Variants in SLC35F4 observed in about 807,000 individuals in gnomAD.
SLC35F4 encodes the protein solute carrier family 35 member F4.
A neutral mutation model predicts 44.2 loss-of-function variants in SLC35F4; 24 were observed. That is an observed-to-expected ratio of 0.54 (90% CI 0.39 to 0.76). The LOEUF (loss-of-function observed/expected upper bound fraction) is 0.76. Among genes scored for constraint, SLC35F4 ranks in the 30% least tolerant of loss-of-function variants. The pLI is 0.00. For synonymous variants in SLC35F4, 238 were observed against 223.6 expected (o/e 1.06, Z -0.57); for missense variants, 562 against 586.1 (o/e 0.96, Z 0.42).
At chr14:57,820,131 T>C (rs1334014246) in intron 1 of SLC35F4, among the ~76,000 whole-genome samples, 1 of 152,196 alleles carries the variant, frequency 6.6e-6, no homozygotes, top group Non-Finnish European at 1.5e-5. Context: ...TTTTAGGTAT[T>C]AAAATCCTAC....
chr14:57,787,680 G>A (rs2077802203), intron 1 of SLC35F4, among the ~76,000 whole-genome samples: 1 of 152,134 alleles, frequency 6.6e-6, no homozygotes, highest in Non-Finnish European at 1.5e-5. Flanking sequence ...ATGAAGGAAA[G>A]ATAGTCTTTT....
chr14:57,909,868 T>C (rs1889183655), intron 1 of SLC35F4, among the ~76,000 whole-genome samples: 1 of 152,138 alleles, frequency 6.6e-6, no homozygotes, highest in Admixed American at 6.5e-5. Context: ...ATGGTAAGAG[T>C]ATTTTTAATT....
chr14:57,782,632 C>T (rs2077651160), intron 1 of SLC35F4, among the ~76,000 whole-genome samples: 1 of 152,154 alleles, frequency 6.6e-6, no homozygotes, highest in South Asian at 2.1e-4. Flanking sequence ...ATTTTGTAGC[C>T]ACCTCTGGCT....
chr14:57,960,353 C>T (rs939000072), intron 1 of SLC35F4, among the ~76,000 whole-genome samples: 2 of 152,236 alleles, frequency 1.3e-5, no homozygotes, highest in African/African-American at 4.8e-5. Flanking sequence ...CTGGCCATCA[C>T]ATCCATCGGG....
chr14:57,822,817 C>T (rs537518409), intron 1 of SLC35F4, among the ~76,000 whole-genome samples: 86 of 152,266 alleles, frequency 5.6e-4, no homozygotes, highest in African/African-American at 2.0e-3. Context: ...CTCCACCACT[C>T]TTGTGGCTTT....
intron 1 of SLC35F4, among the ~76,000 whole-genome samples, chr14:57,964,795 G>A (rs1890404083): frequency 6.6e-6 from 1 of 151,828 alleles, no homozygotes; most frequent in Non-Finnish European, 1.5e-5. Context: ...TTGGTGAGAG[G>A]GGGCAGAGGG....
chr14:57,931,490 A>G (rs1358821614), intron 1 of SLC35F4, among the ~76,000 whole-genome samples: 1 of 152,236 alleles, frequency 6.6e-6, no homozygotes, highest in Non-Finnish European at 1.5e-5. Flanking sequence ...GATGTGATGG[A>G]CACCTGGCTT....
chr14:57,893,990 T>C (rs754667572), intron 1 of SLC35F4, among the ~76,000 whole-genome samples: 1 of 152,132 alleles, frequency 6.6e-6, no homozygotes, highest in Non-Finnish European at 1.5e-5. Flanking sequence ...CTACATCTTA[T>C]ACCTACAACC....
At chr14:57,940,050 T>C (rs1889888321) in intron 1 of SLC35F4, among the ~76,000 whole-genome samples, 1 of 152,180 alleles carries the variant, frequency 6.6e-6, no homozygotes. Context: ...CTACAGAATG[T>C]GTTCAGCCTA....
intron 1 of SLC35F4, among the ~76,000 whole-genome samples, chr14:57,624,860 T>C (rs10136930): frequency 0.63 from 95,991 of 151,974 alleles, 32,648 homozygotes; most frequent in Non-Finnish European, 0.77. Flanking sequence ...ACTGAATGGG[T>C]AAAAGCTGGA....
intron 1 of SLC35F4, among the ~76,000 whole-genome samples, chr14:57,981,540 CAAAAT>C (rs1881383032): frequency 6.6e-6 from 1 of 152,040 alleles, no homozygotes; most frequent in Non-Finnish European, 1.5e-5. Flanking sequence ...ATTCTCATCT[CAAAAT>C]AATGAAGTGG....
chr14:57,971,392 T>C (rs974527602), intron 1 of SLC35F4, among the ~76,000 whole-genome samples: 2 of 152,184 alleles, frequency 1.3e-5, no homozygotes, highest in Non-Finnish European at 2.9e-5. Context: ...ACTAATAAAC[T>C]TTGAGTACAT....
chr14:57,819,761 C>T (rs769137037), intron 1 of SLC35F4, among the ~76,000 whole-genome samples: 6 of 150,154 alleles, frequency 4.0e-5, no homozygotes, highest in South Asian at 2.1e-4. Flanking sequence ...CACAGTGAGC[C>T]GAGATCGCCC....
rs72624736 is a variant in SLC35F4 at position 57,881,904 on chromosome 14, C to T, written n.282+100009G>A. Among the ~76,000 whole-genome samples, 3,451 of 152,244 alleles carry T rather than the reference C, an allele frequency of 0.023. 427 individuals are homozygous for T. In the East Asian group the frequency reaches 0.39, roughly 17 times the overall value. The stretch of plus-strand genomic sequence containing the variant: ...TAATTGCTCATCTTCCTTATTTCCA[C>T]GCCTCTTTTCCAGTTTCTAAGACAG... On this transcript the variant is annotated intron_variant and non_coding_transcript_variant, in intron 1 of 1. Coordinates refer to the SLC35F4 transcript ENST00000556568.
intron 1 of SLC35F4, among the ~76,000 whole-genome samples, chr14:57,845,017 C>T (rs1354576260): frequency 3.3e-5 from 5 of 152,062 alleles, no homozygotes; most frequent in Non-Finnish European, 7.4e-5. Flanking sequence ...AGCCTTCAGA[C>T]ACAGCATCTG....
intron 1 of SLC35F4, among the ~76,000 whole-genome samples, chr14:57,748,312 T>C (rs978519069): frequency 9.9e-5 from 15 of 152,170 alleles, no homozygotes; most frequent in Non-Finnish European, 1.3e-4. Flanking sequence ...TATGTGTGTA[T>C]TTAGTCTACT....
At chr14:57,611,901 T>C (rs2071532050) in intron 1 of SLC35F4, among the ~76,000 whole-genome samples, 1 of 152,172 alleles carries the variant, frequency 6.6e-6, no homozygotes, top group African/African-American at 2.4e-5. Context: ...GGACAAAGCA[T>C]ATGAGGCAAC....
At chr14:57,909,573 C>T in intron 1 of SLC35F4, among the ~76,000 whole-genome samples, 1 of 139,308 alleles carries the variant, frequency 7.2e-6, no homozygotes, top group Non-Finnish European at 1.6e-5. Context: ...CACACACACA[C>T]ACAAACACAC....
intron 1 of SLC35F4, among the ~76,000 whole-genome samples, chr14:57,773,437 T>C (rs62003430): frequency 0.1 from 15,471 of 152,202 alleles, 1,030 homozygotes; most frequent in Non-Finnish European, 0.15. Flanking sequence ...CAGTAAACAG[T>C]TAAGTGTTAC....
Sources: allele counts gnomAD v4.1 joint callset (sites outside exome capture counted in the v4.1 genomes callset), GRCh38; gene constraint gnomAD v4.1.1; transcripts MANE v1.5; gene names NCBI Gene and HGNC (gene_info 2026-07-23, HGNC 2026-07-21).